Variants in CLVS1 observed in about 807,000 individuals in gnomAD.
The protein encoded by CLVS1 is clavesin-1.
In CLVS1, 10 loss-of-function variants were observed where a neutral mutation model predicts 33.1. The ratio of observed to expected loss-of-function variants is 0.30; its 90% CI spans 0.19 to 0.51. CLVS1 has a LOEUF of 0.51. Among genes scored for constraint, CLVS1 ranks in the 20% least tolerant of loss-of-function variants. The pLI is 0.97. For synonymous variants in CLVS1, 163 were observed against 166.1 expected (o/e 0.98, Z 0.14); for missense variants, 343 against 433.4 (o/e 0.79, Z 1.85).
chr8:61,412,852 A>C (rs1386364721), intron 3 of CLVS1, among the ~76,000 whole-genome samples: 1 of 152,204 alleles, frequency 6.6e-6, no homozygotes. Flanking sequence ...AAGAAGCTCT[A>C]AATTTGTTAG....
At chr8:60,983,702 C>T in the CLVS1 span, among the ~76,000 whole-genome samples, 1 of 152,146 alleles carries the variant, frequency 6.6e-6, no homozygotes, top group Non-Finnish European at 1.5e-5. Context: ...TATCCAGGTG[C>T]CTTGGCAGAG....
intron 2 of CLVS1, among the ~76,000 whole-genome samples, chr8:61,225,951 T>G (rs1808319840): frequency 6.6e-6 from 1 of 152,266 alleles, no homozygotes; most frequent in Non-Finnish European, 1.5e-5. Context: ...GAACAAAGTA[T>G]GTCCACTACT....
At chr8:61,154,925 T>C (rs1422494627) in intron 2 of CLVS1, among the ~76,000 whole-genome samples, 1 of 152,194 alleles carries the variant, frequency 6.6e-6, no homozygotes, top group East Asian at 1.9e-4. Context: ...CCAGGCCAGC[T>C]GATGCTAATT....
At chr8:61,137,538 T>G (rs1806212663) in intron 2 of CLVS1, among the ~76,000 whole-genome samples, 2 of 152,204 alleles carry the variant, frequency 1.3e-5, no homozygotes, top group African/African-American at 4.8e-5. Context: ...TTTCCTCTCC[T>G]CTAAGCCATC....
At chr8:61,184,512 G>T (rs1807304027) in intron 2 of CLVS1, among the ~76,000 whole-genome samples, 1 of 152,210 alleles carries the variant, frequency 6.6e-6, no homozygotes, top group Non-Finnish European at 1.5e-5. Flanking sequence ...GGGTGCAAGG[G>T]GTTAAGGGAA....
At chr8:61,488,087 A>G (rs914202130) in intron 5 of CLVS1, among the ~76,000 whole-genome samples, 1 of 152,222 alleles carries the variant, frequency 6.6e-6, no homozygotes, top group Non-Finnish European at 1.5e-5. Context: ...AAGCACCTGT[A>G]GTCATTTTCT....
intron 5 of CLVS1, among the ~76,000 whole-genome samples, chr8:61,498,929 G>T (rs1430002126): frequency 1.3e-5 from 2 of 152,200 alleles, no homozygotes; most frequent in East Asian, 3.9e-4. Flanking sequence ...AGGTTTAAAA[G>T]GTACACTAAA....
the CLVS1 span, among the ~76,000 whole-genome samples, chr8:61,000,460 C>T: frequency 2.6e-5 from 4 of 152,032 alleles, no homozygotes; most frequent in Non-Finnish European, 4.4e-5. Context: ...TTGCTGCTGA[C>T]GGGTTCAAGG....
chr8:61,016,179 C>G, the CLVS1 span, among the ~76,000 whole-genome samples: 2 of 152,192 alleles, frequency 1.3e-5, no homozygotes, highest in African/African-American at 4.8e-5. Flanking sequence ...ATAAAAACAT[C>G]TTGTGTTTAG....
chr8:61,149,091 A>G (rs555110088), intron 2 of CLVS1, among the ~76,000 whole-genome samples: 1 of 151,928 alleles, frequency 6.6e-6, no homozygotes, highest in Non-Finnish European at 1.5e-5. Context: ...TTTTCTTATT[A>G]AAAAAAATCC....
chr8:61,455,482 T>C (rs769951135), intron 4 of CLVS1, among the ~76,000 whole-genome samples: 3 of 152,172 alleles, frequency 2.0e-5, no homozygotes, highest in Non-Finnish European at 4.4e-5. Context: ...GTCTGGCTTA[T>C]TTTTGTTAAT....
At chr8:61,425,721 G>A (rs1386854141) in intron 3 of CLVS1, among the ~76,000 whole-genome samples, 1 of 152,094 alleles carries the variant, frequency 6.6e-6, no homozygotes, top group Non-Finnish European at 1.5e-5. Context: ...TTCTGGTGTG[G>A]TCATTTATCA....
intron 2 of CLVS1, among the ~76,000 whole-genome samples, chr8:61,374,534 A>G (rs547398267): frequency 2.9e-4 from 44 of 152,216 alleles, no homozygotes; most frequent in Non-Finnish European, 6.2e-4. Flanking sequence ...TTCCAATACA[A>G]AGCTGTATCT....
chr8:60,973,290 CA>C, the CLVS1 span, among the ~76,000 whole-genome samples: 1 of 152,182 alleles, frequency 6.6e-6, no homozygotes, highest in African/African-American at 2.4e-5. Flanking sequence ...TCTCCTTATA[CA>C]AAATTAAAGG....
At chr8:61,050,686 T>C in the CLVS1 span, among the ~76,000 whole-genome samples, 2 of 152,212 alleles carry the variant, frequency 1.3e-5, no homozygotes, top group African/African-American at 4.8e-5. Context: ...TGCCTACAGA[T>C]GATCCACTTT....
chr8:61,252,317 G>A (rs1223845291), intron 2 of CLVS1, among the ~76,000 whole-genome samples: 1 of 152,142 alleles, frequency 6.6e-6, no homozygotes, highest in Non-Finnish European at 1.5e-5. Flanking sequence ...TGTATTTGCT[G>A]AGGAGTGTTT....
chr8:61,385,699 C>G (rs1380774775), intron 3 of CLVS1, among the ~76,000 whole-genome samples: 4 of 152,190 alleles, frequency 2.6e-5, no homozygotes, highest in Non-Finnish European at 5.9e-5. Flanking sequence ...TTTCTCTGTA[C>G]TGACTTTATT....
intron 2 of CLVS1, among the ~76,000 whole-genome samples, chr8:61,369,411 A>G (rs982887883): frequency 1.3e-5 from 2 of 152,236 alleles, no homozygotes; most frequent in Non-Finnish European, 2.9e-5. Flanking sequence ...ATTATGTAAG[A>G]GTTATTACAA....
At chr8:61,009,704 G>A in the CLVS1 span, among the ~76,000 whole-genome samples, 1 of 152,100 alleles carries the variant, frequency 6.6e-6, no homozygotes, top group African/African-American at 2.4e-5. Context: ...GCAAATTTTA[G>A]GCACTTTAGG....
Sources: gnomAD v4.1 joint callset for allele counts (sites outside exome capture counted in the v4.1 genomes callset) on GRCh38, gnomAD v4.1.1 for gene constraint, MANE v1.5 for transcripts, NCBI Gene and HGNC (gene_info 2026-07-23, HGNC 2026-07-21) for gene names.